SHLD2: variants seen among roughly 807,000 people sequenced by gnomAD.
SHLD2 encodes the protein shieldin complex subunit 2.
A neutral mutation model predicts 73.2 loss-of-function variants in SHLD2; 30 were observed. That is an observed-to-expected ratio of 0.41 (90% confidence interval 0.31 to 0.56). SHLD2 has a LOEUF of 0.56. SHLD2 is among the 20% of genes least tolerant of loss of function. The pLI, the probability that SHLD2 is intolerant of heterozygous loss-of-function variation, is 0.28. For missense variants in SHLD2, 745 were observed against 1,055.9 expected, an observed-to-expected ratio of 0.71 and a Z score of 4.08; for synonymous variants, 285 against 370.1, an observed-to-expected ratio of 0.77 and a Z score of 2.64.
At chr10:87,100,053 G>A (rs1263499615) in intron 2 of SHLD2, among the ~76,000 whole-genome samples, 1 of 151,716 alleles carries the variant, frequency 6.6e-6, no homozygotes. Context: ...CCATTCTTTA[G>A]GTTATATTTT....
At position 87,175,092 on chromosome 10, in the gene SHLD2, G is replaced by A. The variant is rs562734571; in HGVS notation, c.1964-797G>A. Reference sequence around the variant, plus strand: ...AGATTGCGCCACTGCGCTCCAGCCTGGGCAACAGAGCGAGACTCCATCTCA... The same window carrying A: ...AGATTGCGCCACTGCGCTCCAGCCTAGGCAACAGAGCGAGACTCCATCTCA... On this transcript the variant is annotated intron_variant, in intron 6 of 9. Transcript: ENST00000298786. Among the ~76,000 whole-genome samples the A allele has an allele frequency of 3.5e-3, 497 of 143,424 alleles. 3 individuals are homozygous for A. The highest frequency in any genetic ancestry group is 0.012 in the African/African-American group (462 of 38,046). The allele number at this position is 143,424 out of a possible 152,430, so 94.1% of individuals were successfully genotyped here. A position where few individuals can be genotyped will look rare whatever the true frequency, so the allele number is the denominator to read the frequency against.
intron 2 of SHLD2, among the ~76,000 whole-genome samples, chr10:87,132,066 TG>T (rs1198955074): frequency 1.3e-5 from 2 of 152,226 alleles, no homozygotes; most frequent in Admixed American, 1.3e-4. Context: ...GTGTTGTCTT[TG>T]TGTTGTAGAG....
rs1251308126 is a variant in SHLD2 at position 87,157,417 on chromosome 10, A to T, written c.1526-631A>T. On this transcript the variant is annotated intron_variant, in intron 3 of 9. Transcript: ENST00000298786. ...CTTCCCCTCTTTCTCTTTACAGCTC[A>T]CACGTTTTGCTCTACCTACAATTGT... Among the ~76,000 whole-genome samples, 3 of 152,260 alleles carry T rather than the reference A, an allele frequency of 2.0e-5. No individual in the cohort carries two copies. The East Asian group carries it at 5.8e-4, about 29-fold the overall frequency.
At chr10:87,176,832 T>A (rs1265815668) in intron 7 of SHLD2, among the ~76,000 whole-genome samples, 2 of 152,220 alleles carry the variant, frequency 1.3e-5, no homozygotes, top group Non-Finnish European at 2.9e-5. Context: ...TTTAATTGAA[T>A]ACAGAGATTT....
intron 8 of SHLD2, among the ~76,000 whole-genome samples, chr10:87,182,938 C>A (rs1413498480): frequency 2.0e-5 from 3 of 151,922 alleles, no homozygotes; most frequent in African/African-American, 7.3e-5. Flanking sequence ...AGGTGGAAGC[C>A]AGCCTTTTTG....
At chr10:87,120,258 A>ATTTTATTTT (rs1843520039) in intron 2 of SHLD2, among the ~76,000 whole-genome samples, 1 of 148,694 alleles carries the variant, frequency 6.7e-6, no homozygotes, top group Admixed American at 7.0e-5. Flanking sequence ...TTATTTATTT[A>ATTTTATTTT]TTTTTTTGAG....
intron 2 of SHLD2, among the ~76,000 whole-genome samples, chr10:87,100,828 C>G (rs1466997022): frequency 6.6e-6 from 1 of 152,012 alleles, no homozygotes; most frequent in Non-Finnish European, 1.5e-5. Flanking sequence ...GTGAGTCTTC[C>G]AAATTTTTTT....
At chr10:87,134,269 A>G (rs974716703) in intron 2 of SHLD2, among the ~76,000 whole-genome samples, 1 of 152,230 alleles carries the variant, frequency 6.6e-6, no homozygotes, top group African/African-American at 2.4e-5. Context: ...CCCATCTAAG[A>G]GCTGAGGATA....
chr10:87,129,081 TTTTTGTTTTG>T, intron 2 of SHLD2, among the ~76,000 whole-genome samples: 1 of 151,982 alleles, frequency 6.6e-6, no homozygotes, highest in Non-Finnish European at 1.5e-5. Context: ...AATTTTTGTT[TTTTTGTTTTG>T]TTTTGTTTTG....
At position 87,153,017 on chromosome 10, in the gene SHLD2, C is replaced by T. The variant is rs180916524; in HGVS notation, c.1525+138C>T. ...CGCAGCATAATTGATCCCTTTATCG[C>T]ATCTGCATTGTTCTCCTTTCCATTG... On this transcript the variant is annotated intron_variant, in intron 3 of 9. Coordinates refer to ENST00000298786, the MANE Select transcript of SHLD2 (RefSeq NM_001330112.2). 165 of 819,126 alleles carry T rather than the reference C, an allele frequency of 2.0e-4. 1 individual carries two copies. The East Asian group carries it at 3.0e-3, about 15-fold the overall frequency. 50.7% of individuals were successfully genotyped at this position (819,126 alleles called of 1,614,324 possible). A position where few individuals can be genotyped will look rare whatever the true frequency, so the allele number is the denominator to read the frequency against.
At chr10:87,153,367 C>T (rs1305850998) in intron 3 of SHLD2, among the ~76,000 whole-genome samples, 1 of 152,208 alleles carries the variant, frequency 6.6e-6, no homozygotes, top group Non-Finnish European at 1.5e-5. Context: ...GATTGGGCCA[C>T]TGCACTCCAG....
In SHLD2 at chr10:87,151,504, G is replaced by A. The variant is rs1176639143; in HGVS notation, c.150G>A (p.Leu50=). ...TATACAGTCAACATTCTTTATATCT[G>A]AAGGATGAAAAACAGCACAAAAATC... The part of the protein sequence containing the change: ...QLLYSQHSLY[L]KDEKQHKNLE... Residue 50 remains leucine (L), a synonymous_variant, in exon 3 of 10, where the codon CTG becomes CTA. Coordinates refer to ENST00000298786, the MANE Select transcript of SHLD2 (RefSeq NM_001330112.2). 4 of 1,611,004 alleles carry A rather than the reference G, an allele frequency of 2.5e-6. No individual in the cohort carries two copies. The highest frequency in any genetic ancestry group is 3.4e-6 in the Non-Finnish European group (4 of 1,179,604).
chr10:87,119,182 A>G, intron 2 of SHLD2, among the ~76,000 whole-genome samples: 1 of 150,464 alleles, frequency 6.6e-6, no homozygotes, highest in East Asian at 2.0e-4. Context: ...GTGTCATGAT[A>G]CAGGTTATAT....
At chr10:87,117,811 C>CA (rs769526652) in intron 2 of SHLD2, among the ~76,000 whole-genome samples, 2 of 151,990 alleles carry the variant, frequency 1.3e-5, no homozygotes, top group East Asian at 3.8e-4. Flanking sequence ...CCCCAAAAAA[C>CA]AAAAAACAGC....
At chr10:87,113,201 G>A (rs1843040530) in intron 2 of SHLD2, among the ~76,000 whole-genome samples, 2 of 152,164 alleles carry the variant, frequency 1.3e-5, no homozygotes, top group African/African-American at 4.8e-5. Flanking sequence ...GCTCATGCCT[G>A]TAATTCCAGC....
At chr10:87,167,896 T>C (rs1451239033) in intron 4 of SHLD2, among the ~76,000 whole-genome samples, 1 of 152,150 alleles carries the variant, frequency 6.6e-6, no homozygotes, top group Non-Finnish European at 1.5e-5. Flanking sequence ...CCTCTTGTCT[T>C]AGCCTCCCAA....
At chr10:87,182,745 A>G (rs1202783047) in intron 8 of SHLD2, among the ~76,000 whole-genome samples, 1 of 152,040 alleles carries the variant, frequency 6.6e-6, no homozygotes, top group African/African-American at 2.4e-5. Context: ...GTCAAGGTGT[A>G]GGCTGGGGCT....
chr10:87,115,497 A>G (rs1298256982), intron 2 of SHLD2: 1 of 138,072 alleles, frequency 7.2e-6, no homozygotes, highest in Non-Finnish European at 1.5e-5. Flanking sequence ...GAATGCCCTG[A>G]AAGTTTGAAT....
chr10:87,181,007 A>G (rs1848270147), intron 8 of SHLD2, among the ~76,000 whole-genome samples: 1 of 152,138 alleles, frequency 6.6e-6, no homozygotes, highest in Non-Finnish European at 1.5e-5. Context: ...CTCTTTACAG[A>G]TATTATGTTT....
Sources: gnomAD v4.1 joint callset for allele counts (sites outside exome capture counted in the v4.1 genomes callset) on GRCh38, gnomAD v4.1.1 for gene constraint, MANE v1.5 for transcripts, NCBI Gene and HGNC (gene_info 2026-07-23, HGNC 2026-07-21) for gene names.